Variants in CCSER1 observed in about 807,000 individuals in gnomAD.
CCSER1 encodes serine-rich coiled-coil domain-containing protein 1.
Under a neutral mutation model 82.0 loss-of-function variants are expected in CCSER1, and 41 were observed. The observed-to-expected ratio is 0.50, with a 90% confidence interval of 0.39 to 0.65. The LOEUF (loss-of-function observed/expected upper bound fraction) is 0.65. Ranked by LOEUF, CCSER1 falls within the 30% of genes least tolerant of loss-of-function variation. The probability of loss-of-function intolerance (pLI) is 0.00; values close to 1 mark genes in which losing one functional copy is unlikely to be tolerated. For missense variants in CCSER1, 1,119 were observed against 1,064.2 expected (o/e 1.05, Z -0.72); for synonymous variants, 414 against 383.9 (o/e 1.08, Z -0.92).
At chr4:90,461,406 CTTTG>C (rs1007952190) in intron 4 of CCSER1, among the ~76,000 whole-genome samples, 6 of 152,112 alleles carry the variant, frequency 3.9e-5, no homozygotes, top group Non-Finnish European at 8.8e-5. Flanking sequence ...TCATGTTGCT[CTTTG>C]TTTAATGATC....
chr4:90,466,807 T>TA (rs1370999369), intron 4 of CCSER1, among the ~76,000 whole-genome samples: 1 of 152,210 alleles, frequency 6.6e-6, no homozygotes, highest in Non-Finnish European at 1.5e-5. Context: ...CAGTGACTAC[T>TA]AAAGCAGAAC....
At chr4:90,714,337 A>G (rs1580107635) in intron 6 of CCSER1, among the ~76,000 whole-genome samples, 1 of 152,014 alleles carries the variant, frequency 6.6e-6, no homozygotes, top group Middle Eastern at 3.4e-3. Context: ...ATTTTTTCTT[A>G]TTAAGCACAC....
intron 5 of CCSER1, among the ~76,000 whole-genome samples, chr4:90,560,070 C>T (rs944358107): frequency 1.3e-5 from 2 of 152,026 alleles, no homozygotes; most frequent in Non-Finnish European, 2.9e-5. Context: ...ATAACTTATC[C>T]TGGCATAAAA....
At chr4:91,287,439 C>T (rs1162820796) in intron 10 of CCSER1, among the ~76,000 whole-genome samples, 2 of 151,834 alleles carry the variant, frequency 1.3e-5, no homozygotes, top group Non-Finnish European at 2.9e-5. Flanking sequence ...TTAGATATAG[C>T]TTTGATTTTA....
intron 4 of CCSER1, among the ~76,000 whole-genome samples, chr4:90,458,575 G>A (rs1368253910): frequency 4.0e-5 from 6 of 151,886 alleles, no homozygotes; most frequent in East Asian, 3.9e-4. Flanking sequence ...GGCTGGTCTC[G>A]AACTCCTGAC....
chr4:90,198,533 C>A (rs946601020), intron 1 of CCSER1, among the ~76,000 whole-genome samples: 4 of 151,792 alleles, frequency 2.6e-5, no homozygotes, highest in Admixed American at 6.6e-5. Flanking sequence ...ACTTTTTGAC[C>A]CTTGATGTTG....
intron 10 of CCSER1, among the ~76,000 whole-genome samples, chr4:91,511,109 T>C (rs1451620017): frequency 6.6e-6 from 1 of 152,160 alleles, no homozygotes; most frequent in African/African-American, 2.4e-5. Context: ...GCTTAATTTT[T>C]TTTTTATTTT....
chr4:91,286,576 T>C (rs1743295179), intron 10 of CCSER1, among the ~76,000 whole-genome samples: 1 of 151,830 alleles, frequency 6.6e-6, no homozygotes, highest in South Asian at 2.1e-4. Context: ...CTACATGTGA[T>C]ATGAATGGAG....
At chr4:91,079,545 G>T (rs528871368) in intron 9 of CCSER1, among the ~76,000 whole-genome samples, 1 of 152,278 alleles carries the variant, frequency 6.6e-6, no homozygotes, top group East Asian at 1.9e-4. Context: ...ACATCATAAT[G>T]ACAGGATCAA....
chr4:90,927,954 G>A (rs188294179), intron 9 of CCSER1, among the ~76,000 whole-genome samples: 6 of 151,968 alleles, frequency 3.9e-5, no homozygotes, highest in African/African-American at 1.4e-4. Flanking sequence ...TATCAATTAG[G>A]CTTTCTCATC....
At chr4:91,326,548 C>T (rs942934696) in intron 10 of CCSER1, among the ~76,000 whole-genome samples, 1 of 152,106 alleles carries the variant, frequency 6.6e-6, no homozygotes, top group Non-Finnish European at 1.5e-5. Flanking sequence ...AACACAGAAC[C>T]AAATCATATT....
chr4:90,461,975 A>G (rs114464777), intron 4 of CCSER1, among the ~76,000 whole-genome samples: 4,882 of 152,334 alleles, frequency 0.032, 105 homozygotes, highest in Non-Finnish European at 0.05. Context: ...CTAAGGAATG[A>G]ATATATATGC....
intron 8 of CCSER1, among the ~76,000 whole-genome samples, chr4:90,873,362 G>C (rs1190878578): frequency 6.6e-6 from 1 of 151,992 alleles, no homozygotes; most frequent in Admixed American, 6.6e-5. Context: ...TTCTGTTGGT[G>C]AGAGACTGAT....
chr4:91,478,251 T>C (rs1757700163), intron 10 of CCSER1, among the ~76,000 whole-genome samples: 1 of 151,928 alleles, frequency 6.6e-6, no homozygotes, highest in Non-Finnish European at 1.5e-5. Context: ...GACTGTAAAT[T>C]AGAACTATTC....
intron 6 of CCSER1, among the ~76,000 whole-genome samples, chr4:90,684,884 G>A (rs1322197367): frequency 6.6e-6 from 1 of 152,130 alleles, no homozygotes; most frequent in Non-Finnish European, 1.5e-5. Context: ...CATGTTAGGC[G>A]TGACTTGCTC....
intron 5 of CCSER1, among the ~76,000 whole-genome samples, chr4:90,586,683 TTTAGA>T (rs1478522438): frequency 6.6e-6 from 1 of 152,206 alleles, no homozygotes; most frequent in Non-Finnish European, 1.5e-5. Context: ...ACAACATTTC[TTTAGA>T]TTACTTTAAA....
chr4:90,299,931 A>C (rs1028175586), intron 1 of CCSER1, among the ~76,000 whole-genome samples: 1 of 152,028 alleles, frequency 6.6e-6, no homozygotes, highest in East Asian at 1.9e-4. Context: ...TTCTGCCATC[A>C]TTTTCTTAAT....
At chr4:90,515,921 A>T (rs766640261) in intron 5 of CCSER1, among the ~76,000 whole-genome samples, 4 of 152,184 alleles carry the variant, frequency 2.6e-5, no homozygotes, top group Non-Finnish European at 4.4e-5. Context: ...ACTCTTATTG[A>T]TCTTTTCTCT....
chr4:90,895,264 G>A (rs919595595), intron 8 of CCSER1, among the ~76,000 whole-genome samples: 1 of 151,820 alleles, frequency 6.6e-6, no homozygotes, highest in Non-Finnish European at 1.5e-5. Flanking sequence ...ATTTAAGGGT[G>A]CCTGAAAATG....
Sources: gnomAD v4.1 joint callset for allele counts (sites outside exome capture counted in the v4.1 genomes callset) on GRCh38, gnomAD v4.1.1 for gene constraint, MANE v1.5 for transcripts, NCBI Gene and HGNC (gene_info 2026-07-23, HGNC 2026-07-21) for gene names.